PBX1: variants seen among roughly 807,000 people sequenced by gnomAD.
PBX1 encodes the protein pre-B-cell leukemia transcription factor 1.
In PBX1, 6 loss-of-function variants were observed where a neutral mutation model predicts 53.4. The observed-to-expected ratio is 0.11, with a 90% CI of 0.06 to 0.22. PBX1 has a LOEUF of 0.22. Ranked by LOEUF, PBX1 falls within the 10% of genes least tolerant of loss-of-function variation. The probability of loss-of-function intolerance (pLI) is 1.00; values close to 1 mark genes in which losing one functional copy is unlikely to be tolerated. For missense variants in PBX1, 251 were observed against 551.4 expected (o/e 0.46, Z 5.46); for synonymous variants, 204 against 212.3 (o/e 0.96, Z 0.34).
At chr1:164,654,083 A>ATCTGC (rs1660004117) in intron 2 of PBX1, among the ~76,000 whole-genome samples, 1 of 152,192 alleles carries the variant, frequency 6.6e-6, no homozygotes, top group Non-Finnish European at 1.5e-5. Flanking sequence ...ACAAATCGGG[A>ATCTGC]CTAGAAATTG....
Position 164,750,422 on chromosome 1 carries a change from A to G in PBX1, c.266-42072A>G, listed in dbSNP as rs949480907. 3.9e-5 allele frequency among the ~76,000 whole-genome samples: 6 copies of G among 152,144 alleles called. No individual in the cohort carries two copies. In the East Asian group the frequency reaches 7.7e-4, roughly 20 times the overall value. On this transcript the variant is annotated intron_variant, in intron 2 of 8. Transcript: ENST00000420696. ...TTTATCTTTACTCTCACTGACTACAATAAGAAACTAGTTTCTTAGCAACTA... is the reference window on the plus strand; with the variant it reads ...TTTATCTTTACTCTCACTGACTACAGTAAGAAACTAGTTTCTTAGCAACTA...
At chr1:164,701,581 G>A (rs183159755) in intron 2 of PBX1, among the ~76,000 whole-genome samples, 25 of 152,274 alleles carry the variant, frequency 1.6e-4, no homozygotes, top group South Asian at 6.2e-4. Context: ...TGGTACTTAC[G>A]TCACTTATTA....
chr1:164,636,665 G>A lies in PBX1; in HGVS notation c.265+73354G>A, dbSNP rs143853463. On this transcript the variant is annotated intron_variant, in intron 2 of 8. Transcript: ENST00000420696. The stretch of plus-strand genomic sequence containing the variant: ...TTGAGAAGGAGACAGAAATCTTCTC[G>A]TCTTCTCATCATGGCTTTGACAAAT... Among the ~76,000 whole-genome samples, 13 of 152,208 alleles carry A rather than the reference G, an allele frequency of 8.5e-5. No individual in the cohort carries two copies. The East Asian group carries it at 2.1e-3, about 25-fold the overall frequency.
chr1:164,571,879 A>G (rs1252881523), intron 2 of PBX1, among the ~76,000 whole-genome samples: 60 of 76,206 alleles, frequency 7.9e-4, no homozygotes, highest in East Asian at 4.8e-3. Context: ...CATTGTATAT[A>G]TATATATATA....
chr1:164,818,441 G>T (rs780112192), intron 6 of PBX1: 2 of 152,190 alleles, frequency 1.3e-5, no homozygotes, highest in Non-Finnish European at 2.9e-5. Flanking sequence ...AGGACAAGTC[G>T]CAGAGCTATG....
chr1:164,877,599 G>A (rs745524108), intron 2 of PBX1, among the ~76,000 whole-genome samples: 8 of 151,960 alleles, frequency 5.3e-5, no homozygotes, highest in African/African-American at 1.5e-4. Context: ...GTAGACAGAG[G>A]TTGCAGTGAG....
chr1:164,696,046 A>T (rs1043892790), intron 2 of PBX1, among the ~76,000 whole-genome samples: 1 of 152,228 alleles, frequency 6.6e-6, no homozygotes, highest in Non-Finnish European at 1.5e-5. Context: ...ATAGTCTGTC[A>T]TTGAATGTCT....
At chr1:164,685,851 C>T (rs550324837) in intron 2 of PBX1, among the ~76,000 whole-genome samples, 3 of 152,318 alleles carry the variant, frequency 2.0e-5, no homozygotes, top group South Asian at 2.1e-4. Flanking sequence ...GGCCGCCCTC[C>T]TGGCAGTGAG....
At chr1:164,635,273 A>G (rs772188779) in intron 2 of PBX1, among the ~76,000 whole-genome samples, 3 of 152,168 alleles carry the variant, frequency 2.0e-5, no homozygotes, top group Non-Finnish European at 4.4e-5. Context: ...GTGTCATTTG[A>G]ATTTGCTGCT....
intron 2 of PBX1, among the ~76,000 whole-genome samples, chr1:164,600,667 T>C (rs1269668830): frequency 1.3e-5 from 2 of 152,198 alleles, no homozygotes; most frequent in African/African-American, 4.8e-5. Flanking sequence ...ACAGTGTAGC[T>C]TAACTGGTTA....
Position 164,592,346 on chromosome 1 carries a change from G to C in PBX1, c.265+29035G>C, listed in dbSNP as rs77178171. On this transcript the variant is annotated intron_variant, in intron 2 of 8. Coordinates refer to ENST00000420696, the MANE Select transcript of PBX1 (RefSeq NM_002585.4). ...CCTCCATGCCAACCATTTTGGTTGAGTTTAAGGGAAATCACAAAGCAGCTT... is the reference window on the plus strand; with the variant it reads ...CCTCCATGCCAACCATTTTGGTTGACTTTAAGGGAAATCACAAAGCAGCTT... 1.9e-3 allele frequency among the ~76,000 whole-genome samples: 289 copies of C among 152,332 alleles called. 3 individuals carry two copies. Among genetic ancestry groups the C allele is most frequent in the African/African-American group, 6.7e-3 (280 of 41,582 alleles).
At chr1:164,626,007 GA>G (rs929344835) in intron 2 of PBX1, 5 of 1,041,952 alleles carry the variant, frequency 4.8e-6, no homozygotes, top group Non-Finnish European at 5.8e-6. Context: ...GTTCGGCACA[GA>G]GTACTCTCCT....
At chr1:164,605,100 TGGG>T (rs1243057545) in intron 2 of PBX1, 3 of 152,046 alleles carry the variant, frequency 2.0e-5, no homozygotes, top group Non-Finnish European at 4.4e-5. Flanking sequence ...AATGCTGTGA[TGGG>T]GATACTGAGA....
chr1:164,789,207 C>T (rs923073157), intron 2 of PBX1, among the ~76,000 whole-genome samples: 3 of 152,028 alleles, frequency 2.0e-5, no homozygotes, highest in Non-Finnish European at 4.4e-5. Context: ...TATTTAAAAC[C>T]AGTTAGATTT....
downstream of PBX1, among the ~76,000 whole-genome samples, chr1:164,854,660 G>A (rs1200336269): frequency 6.6e-6 from 1 of 151,978 alleles, no homozygotes; most frequent in Non-Finnish European, 1.5e-5. Flanking sequence ...AGACTTCTGA[G>A]GTCACCTTGG....
chr1:164,869,239 G>A (rs1672291644), intron 2 of PBX1, among the ~76,000 whole-genome samples: 1 of 152,152 alleles, frequency 6.6e-6, no homozygotes, highest in East Asian at 1.9e-4. Flanking sequence ...CAGTCATGAT[G>A]ACTTTACTCC....
chr1:164,776,312 G>A (rs990651797), intron 2 of PBX1, among the ~76,000 whole-genome samples: 2 of 152,118 alleles, frequency 1.3e-5, no homozygotes, highest in Non-Finnish European at 2.9e-5. Context: ...TGTTCCTTAG[G>A]TGTAAAGGGC....
chr1:164,819,990 T>C (rs1571468207), intron 6 of PBX1, 82 bp from the exon 7 acceptor site: 1 of 781,678 alleles, frequency 1.3e-6, no homozygotes, highest in African/African-American at 1.7e-5. Flanking sequence ...GCTTTGCATG[T>C]CATTCTTCCT....
At chr1:164,869,523 C>T (rs1227434036) in intron 2 of PBX1, among the ~76,000 whole-genome samples, 3 of 152,182 alleles carry the variant, frequency 2.0e-5, no homozygotes, top group South Asian at 2.1e-4. Context: ...GCCAGCCCTG[C>T]TGTCACTCAT....
Sources: allele counts gnomAD v4.1 joint callset (sites outside exome capture counted in the v4.1 genomes callset), GRCh38; gene constraint gnomAD v4.1.1; transcripts MANE v1.5; gene names NCBI Gene and HGNC (gene_info 2026-07-23, HGNC 2026-07-21).